Variants in LZTS1 observed in about 807,000 individuals in gnomAD.
LZTS1 encodes leucine zipper tumor suppressor 1, also known as leucine zipper putative tumor suppressor 1.
A neutral mutation model predicts 45.8 loss-of-function variants in LZTS1; 31 were observed. That is an observed-to-expected ratio of 0.68 (90% confidence interval 0.51 to 0.91). The LOEUF is 0.91. LZTS1 is among the 40% of genes least tolerant of loss of function. LZTS1 has a pLI of 0.00. For missense variants in LZTS1, 821 were observed against 788.9 expected, an observed-to-expected ratio of 1.04 and a Z score of -0.49; for synonymous variants, 359 against 357.3, an observed-to-expected ratio of 1.00 and a Z score of -0.05.
At chr8:20,274,954 C>T (rs1800546685) in intron 1 of LZTS1, among the ~76,000 whole-genome samples, 1 of 75,114 alleles carries the variant, frequency 1.3e-5, no homozygotes, top group African/African-American at 5.5e-5. Flanking sequence ...GAGTGGCTGC[C>T]ATGATACTGT....
intron 1 of LZTS1, among the ~76,000 whole-genome samples, chr8:20,277,478 A>G (rs1309435247): frequency 6.6e-6 from 1 of 152,166 alleles, no homozygotes; most frequent in Non-Finnish European, 1.5e-5. Context: ...CTTTCACTTT[A>G]TGGACTTGCC....
chr8:20,250,687 C>T (rs1799871929), intron 3 of LZTS1, among the ~76,000 whole-genome samples: 1 of 152,136 alleles, frequency 6.6e-6, no homozygotes, highest in Admixed American at 6.5e-5. Flanking sequence ...TCACTGCAAC[C>T]TCCGCCTCCC....
At position 20,253,142 on chromosome 8, in the gene LZTS1, G is replaced by T; in HGVS notation, c.789C>A (p.Ile263=). The change falls in exon 3 of 4, where the codon ATC becomes ATA. Residue 263 remains isoleucine, a synonymous_variant. Coordinates refer to ENST00000381569, the MANE Select transcript of LZTS1 (RefSeq NM_021020.5). ...CCAACAGCTTCTGCTCCAGCTCCTG[G>T]ATGCTGCACTCGTCCGTGGAGATGG... ...RSPISTDECS[I]QELEQKLLER... is the part of the protein sequence containing the mutation. 6.2e-7 allele frequency: 1 copy of T among 1,613,062 alleles called. No homozygotes were observed. The highest frequency in any genetic ancestry group is 8.5e-7 in the Non-Finnish European group (1 of 1,179,902).
At chr8:20,296,504 A>G (rs1800981242) in intron 1 of LZTS1, among the ~76,000 whole-genome samples, 2 of 152,168 alleles carry the variant, frequency 1.3e-5, no homozygotes, top group South Asian at 4.1e-4. Flanking sequence ...GTCTGAGCTC[A>G]CCTCAGACCA....
At chr8:20,276,606 A>T (rs1800588622) in intron 1 of LZTS1, among the ~76,000 whole-genome samples, 1 of 152,218 alleles carries the variant, frequency 6.6e-6, no homozygotes, top group Admixed American at 6.5e-5. Flanking sequence ...TGTACAATCA[A>T]TCAGTAAGTG....
At position 20,253,527 on chromosome 8, in the gene LZTS1, C is replaced by G; in HGVS notation, c.404G>C (p.Gly135Ala). 3 of 1,538,088 alleles carry G rather than the reference C, an allele frequency of 2.0e-6. No homozygotes were observed. Among genetic ancestry groups the G allele is most frequent in the Non-Finnish European group, 2.6e-6 (3 of 1,143,926 alleles). ...TAFKPVLPRS[G>A]AILHSSPESA... Reference sequence around the variant, plus strand: ...CTCCGGGGAGGAGTGCAGGATGGCTCCTGACCGTGGCAGCACAGGCTTGAA... The same window carrying G: ...CTCCGGGGAGGAGTGCAGGATGGCTGCTGACCGTGGCAGCACAGGCTTGAA... Residue 135 changes from glycine (G) to alanine (A), a missense_variant, in exon 3 of 4, where the codon GGA becomes GCA. By Grantham distance (60) the Gly-to-Ala change is moderately conservative (BLOSUM62 0). Coordinates refer to ENST00000381569, the MANE Select transcript of LZTS1 (RefSeq NM_021020.5).
At chr8:20,280,329 A>G (rs1800663005) in intron 1 of LZTS1, among the ~76,000 whole-genome samples, 1 of 152,168 alleles carries the variant, frequency 6.6e-6, no homozygotes, top group African/African-American at 2.4e-5. Context: ...CAGGCGTAAC[A>G]GTCCTCTCTC....
At chr8:20,266,614 C>T (rs1800362028) in intron 1 of LZTS1, among the ~76,000 whole-genome samples, 2 of 151,328 alleles carry the variant, frequency 1.3e-5, no homozygotes, top group South Asian at 2.1e-4. Flanking sequence ...AAAAAAAATA[C>T]AAGGCAGAGT....
Position 20,285,521 on chromosome 8 carries a change from G to A in LZTS1, c.-135+18219C>T, listed in dbSNP as rs1369866017. ...ATGCTTGGGAATGAATATAACCGAA[G>A]TTGTGTATGACCTCTACACTGAAAA... is the stretch of plus-strand genomic sequence containing the variant. On this transcript the variant is annotated intron_variant, in intron 1 of 3. Transcript: ENST00000381569. Among the ~76,000 whole-genome samples the A allele has an allele frequency of 2.0e-5, 3 of 152,190 alleles. No homozygotes were observed. The East Asian group carries it at 5.8e-4, about 29-fold the overall frequency.
intron 1 of LZTS1, among the ~76,000 whole-genome samples, chr8:20,278,489 ACT>A (rs1314302796): frequency 1.3e-5 from 2 of 151,456 alleles, no homozygotes; most frequent in Admixed American, 1.3e-4. Flanking sequence ...CGTACACTTG[ACT>A]CTCTCACAGG....
At chr8:20,255,357 G>C in intron 1 of LZTS1, 42 bp from the exon 2 acceptor site, 1 of 1,370,750 alleles carries the variant, frequency 7.3e-7, no homozygotes, top group African/African-American at 1.5e-5. Context: ...GGGTGGGAGT[G>C]GTCACAGCAC....
intron 1 of LZTS1, among the ~76,000 whole-genome samples, chr8:20,261,396 C>T (rs1800225446): frequency 6.6e-6 from 1 of 152,216 alleles, no homozygotes; most frequent in African/African-American, 2.4e-5. Flanking sequence ...CCTCACACCC[C>T]TCCCTGACAT....
intron 1 of LZTS1, among the ~76,000 whole-genome samples, chr8:20,287,957 ACC>A (rs1306905968): frequency 1.5e-5 from 2 of 132,528 alleles, no homozygotes; most frequent in African/African-American, 5.6e-5. Flanking sequence ...AGCCCAGCCC[ACC>A]TGCAGATGGG....
intron 1 of LZTS1, among the ~76,000 whole-genome samples, chr8:20,269,615 G>A (rs745576665): frequency 1.6e-4 from 24 of 152,200 alleles, no homozygotes; most frequent in Non-Finnish European, 3.4e-4. Flanking sequence ...GGTTCAGTAC[G>A]GAAGAATCAA....
intron 1 of LZTS1, among the ~76,000 whole-genome samples, chr8:20,266,659 A>G (rs1039645097): frequency 3.3e-5 from 5 of 152,378 alleles, no homozygotes; most frequent in Non-Finnish European, 7.3e-5. Flanking sequence ...GAGATCTGAC[A>G]GCTATGTACA....
chr8:20,300,733 G>T (rs1801061333), intron 1 of LZTS1, among the ~76,000 whole-genome samples: 3 of 152,122 alleles, frequency 2.0e-5, no homozygotes, highest in Admixed American at 2.0e-4. Flanking sequence ...TAATATACTG[G>T]TATGATGGTA....
chr8:20,282,605 T>C (rs1800715011), intron 1 of LZTS1, among the ~76,000 whole-genome samples: 1 of 152,186 alleles, frequency 6.6e-6, no homozygotes, highest in Non-Finnish European at 1.5e-5. Flanking sequence ...TTCTCCACCT[T>C]GGCATTATTG....
In LZTS1 at chr8:20,288,300, G is replaced by A. The variant is rs761826401; in HGVS notation, c.-135+15440C>T. Among the ~76,000 whole-genome samples, 80 of 152,294 alleles carry A rather than the reference G, an allele frequency of 5.3e-4. 2 individuals are homozygous for A. Among genetic ancestry groups the A allele is most frequent in the South Asian group, 8.3e-4 (4 of 4,828 alleles). ...CAAAGGCTGACTGCCAGCATCCCAC[G>A]TCTCAGGAAGTGGGTGGCCACTGCT... On this transcript the variant is annotated intron_variant, in intron 1 of 3. Transcript: ENST00000381569.
intron 1 of LZTS1, among the ~76,000 whole-genome samples, chr8:20,286,262 A>G (rs1800790275): frequency 6.6e-6 from 1 of 152,252 alleles, no homozygotes; most frequent in Non-Finnish European, 1.5e-5. Context: ...CTCATATCAG[A>G]ACATAGAAAA....
Sources: gnomAD v4.1 joint callset for allele counts (sites outside exome capture counted in the v4.1 genomes callset) on GRCh38, gnomAD v4.1.1 for gene constraint, MANE v1.5 for transcripts, NCBI Gene and HGNC (gene_info 2026-07-23, HGNC 2026-07-21) for gene names.